The following LGSN variants were observed in gnomAD, a reference collection of about 807,000 sequenced individuals.
LGSN encodes lengsin, lens protein with glutamine synthetase domain, also known as lengsin.
LGSN carries 21 observed loss-of-function variants against 19.5 expected under a neutral mutation model. That is an observed-to-expected ratio of 1.07 (90% CI 0.76 to 1.55). LGSN has a LOEUF of 1.55. Ranked by LOEUF, LGSN falls within the 40% of genes most tolerant of loss-of-function variation. The pLI, the probability that LGSN is intolerant of heterozygous loss-of-function variation, is 0.00. For synonymous variants in LGSN, 257 were observed against 215.6 expected (o/e 1.19, Z -1.68); for missense variants, 673 against 608.5 (o/e 1.11, Z -1.12).
chr6:63,446,767 C>T, the LGSN span, among the ~76,000 whole-genome samples: 4 of 152,098 alleles, frequency 2.6e-5, no homozygotes, highest in African/African-American at 7.2e-5. Flanking sequence ...AAAGTAAGTA[C>T]GGCCGGGAGC....
the LGSN span, among the ~76,000 whole-genome samples, chr6:63,503,164 A>G: frequency 6.6e-6 from 1 of 152,180 alleles, no homozygotes; most frequent in Non-Finnish European, 1.5e-5. Flanking sequence ...TAAATAATCA[A>G]CTATGACATT....
chr6:63,486,208 A>C, the LGSN span, among the ~76,000 whole-genome samples: 2 of 152,208 alleles, frequency 1.3e-5, no homozygotes, highest in African/African-American at 4.8e-5. Flanking sequence ...TAACCTAAAT[A>C]TCATTAATAC....
chr6:63,437,385 A>G, the LGSN span, among the ~76,000 whole-genome samples: 2 of 151,794 alleles, frequency 1.3e-5, no homozygotes, highest in Non-Finnish European at 2.9e-5. Flanking sequence ...CACTCCCCAC[A>G]GTACTATTTC....
chr6:63,298,509 T>A (rs1308538734), intron 1 of LGSN, among the ~76,000 whole-genome samples: 1 of 152,196 alleles, frequency 6.6e-6, no homozygotes, highest in Non-Finnish European at 1.5e-5. Flanking sequence ...CTATCCCTTT[T>A]GTTTCTTTTT....
At chr6:63,409,868 T>C in the LGSN span, among the ~76,000 whole-genome samples, 3 of 152,080 alleles carry the variant, frequency 2.0e-5, no homozygotes, top group Middle Eastern at 6.3e-3. Flanking sequence ...AAACCTCATC[T>C]CTACTAAAAA....
chr6:63,295,805 C>T (rs931876878), intron 1 of LGSN, among the ~76,000 whole-genome samples: 1 of 151,964 alleles, frequency 6.6e-6, no homozygotes, highest in African/African-American at 2.4e-5. Context: ...CACAGAGTCA[C>T]CCCTGCAGTC....
At chr6:63,348,177 A>G in the LGSN span, among the ~76,000 whole-genome samples, 1 of 152,208 alleles carries the variant, frequency 6.6e-6, no homozygotes, top group East Asian at 1.9e-4. Flanking sequence ...TAGCAGCCAC[A>G]AAAGAAAGAA....
the LGSN span, among the ~76,000 whole-genome samples, chr6:63,371,157 C>T: frequency 1.3e-5 from 2 of 152,212 alleles, no homozygotes; most frequent in African/African-American, 4.8e-5. Context: ...TGAGCATTTA[C>T]TGAAAACTAA....
At chr6:63,329,157 C>T in the LGSN span, among the ~76,000 whole-genome samples, 1 of 152,118 alleles carries the variant, frequency 6.6e-6, no homozygotes, top group Non-Finnish European at 1.5e-5. Flanking sequence ...TATTGAAGGA[C>T]CAGAGTGCCT....
the LGSN span, among the ~76,000 whole-genome samples, chr6:63,393,765 AC>A: frequency 6.6e-6 from 1 of 151,898 alleles, no homozygotes; most frequent in Non-Finnish European, 1.5e-5. Flanking sequence ...TGCCTATTAA[AC>A]CTTCGCTCTT....
the LGSN span, among the ~76,000 whole-genome samples, chr6:63,543,802 ACT>A: frequency 1.3e-5 from 2 of 152,218 alleles, no homozygotes; most frequent in Admixed American, 1.3e-4. Context: ...ATTTCTAGCA[ACT>A]TTCTACCCAG....
the LGSN span, among the ~76,000 whole-genome samples, chr6:63,511,246 C>CTTTTTTTT: frequency 3.0e-5 from 4 of 131,378 alleles, no homozygotes; most frequent in Non-Finnish European, 6.7e-5. Flanking sequence ...AAATAGATTT[C>CTTTTTTTT]TTTTTTTTTT....
chr6:63,385,601 T>G, the LGSN span, among the ~76,000 whole-genome samples: 1 of 152,206 alleles, frequency 6.6e-6, no homozygotes, highest in South Asian at 2.1e-4. Context: ...AACTCTATAC[T>G]CTTGGCTCTT....
chr6:63,332,835 C>T, the LGSN span, among the ~76,000 whole-genome samples: 1 of 152,202 alleles, frequency 6.6e-6, no homozygotes, highest in East Asian at 1.9e-4. Context: ...GGCGAAAGTC[C>T]CTTCGTGGTC....
chr6:63,536,200 G>A, the LGSN span, among the ~76,000 whole-genome samples: 1,861 of 152,218 alleles, frequency 0.012, 26 homozygotes, highest in South Asian at 0.033. Context: ...GCGTGGTGGC[G>A]GGTGCCTGCA....
chr6:63,556,601 G>A, the LGSN span, among the ~76,000 whole-genome samples: 1 of 152,154 alleles, frequency 6.6e-6, no homozygotes, highest in East Asian at 1.9e-4. Context: ...ATACCACAGG[G>A]GAAGTTAAGT....
the LGSN span, among the ~76,000 whole-genome samples, chr6:63,481,180 G>A: frequency 6.6e-6 from 1 of 152,004 alleles, no homozygotes; most frequent in Non-Finnish European, 1.5e-5. Context: ...GTATGCAAAG[G>A]CATACAAAGT....
At chr6:63,513,330 C>T in the LGSN span, among the ~76,000 whole-genome samples, 3 of 152,168 alleles carry the variant, frequency 2.0e-5, no homozygotes, top group Admixed American at 1.3e-4. Context: ...CCACACTGGT[C>T]TTCTCAAAAG....
At chr6:63,333,761 T>G in the LGSN span, among the ~76,000 whole-genome samples, 3 of 152,080 alleles carry the variant, frequency 2.0e-5, no homozygotes, top group Admixed American at 2.0e-4. Context: ...CAACAGCACA[T>G]CAAAAAGATA....
Sources: gnomAD v4.1 joint callset for allele counts (sites outside exome capture counted in the v4.1 genomes callset) on GRCh38, gnomAD v4.1.1 for gene constraint, MANE v1.5 for transcripts, NCBI Gene and HGNC (gene_info 2026-07-23, HGNC 2026-07-21) for gene names.